Variants in CTTN observed in about 807,000 individuals in gnomAD.
CTTN encodes cortactin.
CTTN carries 28 observed loss-of-function variants against 84.0 expected under a neutral mutation model. That is an observed-to-expected ratio of 0.33 (90% confidence interval 0.25 to 0.46). CTTN has a LOEUF of 0.46. CTTN is among the 20% of genes least tolerant of loss of function. The pLI, the probability that CTTN is intolerant of heterozygous loss-of-function variation, is 1.00. For missense variants in CTTN, 641 were observed against 723.8 expected (o/e 0.89, Z 1.31); for synonymous variants, 301 against 288.8 (o/e 1.04, Z -0.43).
At chr11:70,434,980 G>C (rs768859997) in intron 17 of CTTN, 46 bp from the exon 18 acceptor site, 12 of 1,605,698 alleles carry the variant, frequency 7.5e-6, no homozygotes, top group Non-Finnish European at 1.0e-5. Flanking sequence ...TGGCAGACCA[G>C]GAAACGCTTG....
intron 15 of CTTN, among the ~76,000 whole-genome samples, 168 bp from the exon 16 acceptor site, chr11:70,432,933 G>C (rs950937255): frequency 6.6e-6 from 1 of 152,204 alleles, no homozygotes; most frequent in Non-Finnish European, 1.5e-5. Context: ...CACCACCATG[G>C]TGAACACACC....
intron 12 of CTTN, among the ~76,000 whole-genome samples, chr11:70,424,056 C>T (rs540684171): frequency 3.9e-5 from 6 of 152,006 alleles, no homozygotes; most frequent in Non-Finnish European, 8.8e-5. Flanking sequence ...ACTGTGGAGC[C>T]GAAGAACTGG....
At chr11:70,420,163 G>T in intron 9 of CTTN, 1 of 597,192 alleles carries the variant, frequency 1.7e-6, no homozygotes, top group Non-Finnish European at 3.0e-6. Flanking sequence ...ATGCGTGGGA[G>T]CTTCCATGGG....
At chr11:70,409,380 A>T (rs968865794) in intron 4 of CTTN, among the ~76,000 whole-genome samples, 6 of 152,244 alleles carry the variant, frequency 3.9e-5, no homozygotes, top group Admixed American at 3.9e-4. Context: ...TGTATAAAAA[A>T]GCTGGAGTAC....
chr11:70,421,267 G>C (rs1289493466), intron 10 of CTTN, among the ~76,000 whole-genome samples: 1 of 152,218 alleles, frequency 6.6e-6, no homozygotes, highest in African/African-American at 2.4e-5. Flanking sequence ...TGAATGTTCA[G>C]ATTTTAAGTT....
intron 5 of CTTN, among the ~76,000 whole-genome samples, chr11:70,411,613 T>C (rs1385741461): frequency 3.9e-5 from 6 of 152,174 alleles, no homozygotes; most frequent in Non-Finnish European, 7.4e-5. Flanking sequence ...AATTACATAT[T>C]GGGGAAAAGA....
rs1274360444 is a variant in CTTN, at chr11:70,414,568, G to A, written c.318G>A (p.Ser106=). Residue 106 remains serine, a synonymous_variant, in exon 6 of 18, where the codon TCG becomes TCA. Coordinates refer to ENST00000301843, the MANE Select transcript of CTTN (RefSeq NM_005231.4). The part of the protein sequence containing the change: ...DKSAVGHEYQ[S]KLSKHCSQVD... ...CAGCTGTCGGCCACGAATATCAGTC[G>A]AAACTTTCCAAGCACTGCTCGCAGG... The A allele has an allele frequency of 1.5e-5, 24 of 1,614,068 alleles. No homozygotes were observed. The highest frequency in any genetic ancestry group is 1.6e-4 in the Middle Eastern group (1 of 6,084).
intron 4 of CTTN, 92 bp from the exon 5 acceptor site, chr11:70,409,739 G>A: frequency 7.3e-7 from 1 of 1,372,708 alleles, no homozygotes; most frequent in Admixed American, 1.8e-5. Context: ...AATTTACAAA[G>A]ATAATGTCAC....
intron 2 of CTTN, among the ~76,000 whole-genome samples, 185 bp downstream of exon 2, chr11:70,405,546 A>G (rs1187446957): frequency 2.0e-5 from 3 of 152,204 alleles, no homozygotes; most frequent in East Asian, 1.9e-4. Flanking sequence ...TATGACTTAG[A>G]GGAGACAATT....
intron 16 of CTTN, 42 bp from the exon 17 acceptor site, chr11:70,433,605 T>G: frequency 7.1e-7 from 1 of 1,415,498 alleles, no homozygotes; most frequent in Admixed American, 1.7e-5. Context: ...GGAACCTGTG[T>G]GGGACTTTGT....
chr11:70,425,756 T>A (rs1192716262), intron 13 of CTTN, among the ~76,000 whole-genome samples: 1 of 152,168 alleles, frequency 6.6e-6, no homozygotes, highest in Non-Finnish European at 1.5e-5. Flanking sequence ...CGGTCGCAGC[T>A]GTGACAGGAG....
chr11:70,405,090 T>G (rs2058027714), intron 1 of CTTN, among the ~76,000 whole-genome samples, 175 bp from the exon 2 acceptor site: 1 of 152,258 alleles, frequency 6.6e-6, no homozygotes, highest in African/African-American at 2.4e-5. Context: ...CTGTTGAACT[T>G]TTTTATTAGT....
At position 70,435,424 on chromosome 11, in the gene CTTN, GT is replaced by G. The variant is rs60846336; in HGVS notation, c.*272del. On this transcript the variant is annotated 3_prime_UTR_variant, in exon 18 of 18. Coordinates refer to ENST00000301843, the MANE Select transcript of CTTN (RefSeq NM_005231.4). ...TGGTAATTGGTTTTATGCATTGATGGTTTTTTTTTTCTTTTTTGCCAAATTG... is the reference window on the plus strand; with the variant it reads ...TGGTAATTGGTTTTATGCATTGATGGTTTTTTTTTCTTTTTTGCCAAATTG... The G allele has an allele frequency of 8.2e-5, 113 of 1,380,860 alleles. No homozygotes were observed. The highest frequency in any genetic ancestry group is 3.7e-4 in the Admixed American group (14 of 37,878). The allele number at this position is 1,380,860 out of a possible 1,614,324, so 85.5% of individuals were successfully genotyped here.
At chr11:70,407,665 C>T (rs2058058165) in intron 4 of CTTN, 74 bp downstream of exon 4, 1 of 1,415,808 alleles carries the variant, frequency 7.1e-7, no homozygotes, top group African/African-American at 1.4e-5. Flanking sequence ...GGCCCATGGT[C>T]ATCTGTGGAG....
rs990776352 is a variant in CTTN at position 70,433,225 on chromosome 11, A to T, written c.1391A>T (p.Tyr464Phe). The T allele has an allele frequency of 2.5e-6, 4 of 1,613,226 alleles. No homozygotes were observed. Among genetic ancestry groups the T allele is most frequent in the Non-Finnish European group, 3.4e-6 (4 of 1,179,948 alleles). ...REASSQQGLA[Y>F]ATEAVYESAE... ...GCCAGCAGCCAGCAGGGCCTGGCCT[A>T]TGCCACAGAGGCTGTCTATGAAAGC... The change falls in exon 16 of 18, where the codon TAT becomes TTT. Residue 464 changes from tyrosine to phenylalanine, a missense_variant. This residue lies in a region of CTTN where 289 missense variants were observed against 273.1 expected (regional missense o/e 1.06). Transcript: ENST00000301843.
intron 11 of CTTN, chr11:70,421,835 C>G: frequency 4.2e-6 from 2 of 473,028 alleles, no homozygotes; most frequent in Non-Finnish European, 7.6e-6. Context: ...TGCCATCTTT[C>G]TAACCCGGTG....
At chr11:70,425,804 C>T (rs2058294280) in intron 13 of CTTN, among the ~76,000 whole-genome samples, 1 of 152,212 alleles carries the variant, frequency 6.6e-6, no homozygotes, top group African/African-American at 2.4e-5. Context: ...CGACAGCAGA[C>T]ATTCTCTCTG....
intron 10 of CTTN, among the ~76,000 whole-genome samples, chr11:70,420,912 T>G (rs535477578): frequency 1.3e-5 from 2 of 152,316 alleles, no homozygotes; most frequent in Admixed American, 1.3e-4. Flanking sequence ...AAGCCTGCAG[T>G]GCTCCTCATC....
At chr11:70,428,900 G>A (rs2058325813) in intron 13 of CTTN, 151 bp from the exon 14 acceptor site, 6 of 944,962 alleles carry the variant, frequency 6.3e-6, no homozygotes, top group South Asian at 4.5e-5. Context: ...GGACCAGTGG[G>A]CTGAGCTGGC....
Sources: allele counts gnomAD v4.1 joint callset (sites outside exome capture counted in the v4.1 genomes callset), GRCh38; gene constraint gnomAD v4.1.1; regional missense constraint gnomAD v4.1.1; transcripts MANE v1.5; gene names NCBI Gene and HGNC (gene_info 2026-07-23, HGNC 2026-07-21).